The following TTLL7 variants were observed in gnomAD, a reference collection of about 807,000 sequenced individuals.
TTLL7 encodes the protein tubulin polyglutamylase TTLL7.
A neutral mutation model predicts 120.2 loss-of-function variants in TTLL7; 53 were observed. The ratio of observed to expected loss-of-function variants is 0.44; its 90% CI spans 0.35 to 0.55. The LOEUF is 0.55. Ranked by LOEUF, TTLL7 falls within the 20% of genes least tolerant of loss-of-function variation. TTLL7 has a pLI of 0.00. For missense variants in TTLL7, 803 were observed against 1,054.7 expected (o/e 0.76, Z 3.31); for synonymous variants, 353 against 351.7 (o/e 1.00, Z -0.04).
At chr1:83,923,650 C>T (rs1356550440) in intron 10 of TTLL7, among the ~76,000 whole-genome samples, 2 of 152,040 alleles carry the variant, frequency 1.3e-5, no homozygotes, top group African/African-American at 4.8e-5. Context: ...AAGGAACGTT[C>T]CCACTTTCTG....
At chr1:83,903,640 T>C (rs2100756215) in intron 18 of TTLL7, among the ~76,000 whole-genome samples, 1 of 152,204 alleles carries the variant, frequency 6.6e-6, no homozygotes, top group South Asian at 2.1e-4. Context: ...ACAATGTAAA[T>C]TTTATGTAAA....
intron 1 of TTLL7, among the ~76,000 whole-genome samples, chr1:83,964,493 TTTAA>T (rs1395104012): frequency 1.3e-5 from 2 of 152,160 alleles, no homozygotes; most frequent in African/African-American, 4.8e-5. Context: ...CTGTTTAAAC[TTTAA>T]TTATTGTTTC....
chr1:83,872,729 T>A (rs1289677445), intron 20 of TTLL7, among the ~76,000 whole-genome samples: 2 of 152,234 alleles, frequency 1.3e-5, no homozygotes, highest in Admixed American at 1.3e-4. Flanking sequence ...CACAAATAAC[T>A]TACACTATTT....
chr1:83,882,966 G>C lies in TTLL7; in HGVS notation c.2540C>G (p.Ser847Cys). 1 of 1,610,190 alleles carries C rather than the reference G, an allele frequency of 6.2e-7. No individual in the cohort carries two copies. The change falls in exon 20 of 21, where the codon TCC (serine) becomes TGC (cysteine). Residue 847 changes from serine to cysteine, a missense_variant. By Grantham distance (112) the Ser-to-Cys change is moderately radical. Transcript: ENST00000260505. Reference sequence around the variant, plus strand: ...GTTAGAGAATGTGAACAAGTACCTGGAATTACCCCAGTCAGGACCAATGCC... The same window carrying C: ...GTTAGAGAATGTGAACAAGTACCTGCAATTACCCCAGTCAGGACCAATGCC... ...LSGIGPDWGN[S>C]RYLLPGSTQF...
intron 19 of TTLL7, among the ~76,000 whole-genome samples, chr1:83,885,962 A>G (rs1654939605): frequency 1.3e-5 from 2 of 152,220 alleles, no homozygotes; most frequent in South Asian, 2.1e-4. Context: ...TGAATTCAAA[A>G]GGAAAAATTA....
intron 14 of TTLL7, among the ~76,000 whole-genome samples, chr1:83,916,104 C>CT (rs1447515001): frequency 6.6e-6 from 1 of 152,122 alleles, no homozygotes; most frequent in Non-Finnish European, 1.5e-5. Flanking sequence ...GGATCTAGAA[C>CT]TAGAAATACC....
chr1:83,924,740 A>C lies in TTLL7; in HGVS notation c.1143-3346T>G, dbSNP rs189290008. On this transcript the variant is annotated intron_variant, in intron 10 of 20. Coordinates refer to ENST00000260505, the MANE Select transcript of TTLL7 (RefSeq NM_024686.6). ...GTAAATATTATGTTAAGGGTATTTT[A>C]CCACAATTTAAAAAAGTCAGTTGGC... Among the ~76,000 whole-genome samples, 494 of 152,312 alleles carry C rather than the reference A, an allele frequency of 3.2e-3. 1 individual carries two copies. The highest frequency in any genetic ancestry group is 0.011 in the African/African-American group (476 of 41,562).
At chr1:83,922,889 T>C (rs1208880957) in intron 10 of TTLL7, among the ~76,000 whole-genome samples, 1 of 150,716 alleles carries the variant, frequency 6.6e-6, no homozygotes, top group Non-Finnish European at 1.5e-5. Flanking sequence ...GTATGAGGGC[T>C]TGGAACAGGG....
intron 1 of TTLL7, among the ~76,000 whole-genome samples, chr1:83,978,248 A>G (rs1459347712): frequency 1.3e-5 from 2 of 152,146 alleles, no homozygotes; most frequent in African/African-American, 2.4e-5. Context: ...AGGGAGATTG[A>G]GTTACAAATG....
intron 6 of TTLL7, among the ~76,000 whole-genome samples, chr1:83,943,180 T>C (rs569378550): frequency 1.3e-5 from 2 of 152,300 alleles, no homozygotes; most frequent in Admixed American, 1.3e-4. Context: ...TAAAGGCAAA[T>C]GTATTAGTCA....
intron 8 of TTLL7, among the ~76,000 whole-genome samples, chr1:83,935,548 A>G (rs1647306366): frequency 6.6e-6 from 1 of 151,528 alleles, no homozygotes; most frequent in Non-Finnish European, 1.5e-5. Flanking sequence ...TTTTTTTTTT[A>G]ATGATTATAC....
Position 83,911,848 on chromosome 1 carries a change from G to A in TTLL7, c.1588-485C>T, listed in dbSNP as rs192883636. 6.3e-4 allele frequency among the ~76,000 whole-genome samples: 96 copies of A among 151,994 alleles called. 1 individual carries two copies. Among genetic ancestry groups the A allele is most frequent in the African/African-American group, 2.1e-3 (89 of 41,474 alleles). On this transcript the variant is annotated intron_variant, in intron 14 of 20. Coordinates refer to ENST00000260505, the MANE Select transcript of TTLL7 (RefSeq NM_024686.6). ...ATGTGTGTGGTGTGTGTGTGTCTGTGTTTGTGTGTGTGAGGGGGTGGGAGG... is the reference window on the plus strand; with the variant it reads ...ATGTGTGTGGTGTGTGTGTGTCTGTATTTGTGTGTGTGAGGGGGTGGGAGG...
At chr1:83,943,613 A>T (rs1395941115) in intron 6 of TTLL7, among the ~76,000 whole-genome samples, 1 of 152,242 alleles carries the variant, frequency 6.6e-6, no homozygotes, top group Non-Finnish European at 1.5e-5. Flanking sequence ...GGCCATACAC[A>T]GCAAAGAACA....
chr1:83,958,298 G>T (rs990373381), intron 1 of TTLL7, among the ~76,000 whole-genome samples: 1 of 152,146 alleles, frequency 6.6e-6, no homozygotes, highest in Non-Finnish European at 1.5e-5. Context: ...TTGCAAATAT[G>T]TCTCAAGATA....
chr1:83,889,044 A>G (rs994874718), intron 19 of TTLL7, among the ~76,000 whole-genome samples: 4 of 152,106 alleles, frequency 2.6e-5, no homozygotes, highest in African/African-American at 9.7e-5. Context: ...CTGCTAAAAA[A>G]GACATACCCA....
intron 1 of TTLL7, chr1:83,984,227 C>T (rs1315822213): frequency 6.6e-6 from 1 of 152,224 alleles, no homozygotes; most frequent in East Asian, 1.9e-4. Flanking sequence ...GATACCATCT[C>T]GCATCAGTCA....
chr1:83,934,748 A>C (rs1647240886), intron 8 of TTLL7, among the ~76,000 whole-genome samples: 1 of 152,128 alleles, frequency 6.6e-6, no homozygotes, highest in Non-Finnish European at 1.5e-5. Context: ...CTGGCTCTAA[A>C]ATAGGCTTCT....
chr1:83,976,950 C>T (rs931272183), intron 1 of TTLL7, among the ~76,000 whole-genome samples: 1 of 151,950 alleles, frequency 6.6e-6, no homozygotes, highest in African/African-American at 2.4e-5. Context: ...CTCCATCAAA[C>T]CCTTTTTATT....
In TTLL7 at chr1:83,868,364, A is replaced by C. The variant is rs1330312039; in HGVS notation, c.*1598T>G. 2 of 152,244 alleles carry C rather than the reference A, an allele frequency of 1.3e-5. No homozygotes were observed. Among genetic ancestry groups the C allele is most frequent in the East Asian group, 1.9e-4 (1 of 5,200 alleles). 9.4% of individuals were successfully genotyped at this position (152,244 alleles called of 1,614,324 possible). ...TGGCTGCACTGATGATTTCAATGTC[A>C]AAGTAGTACGGCTTATATTTTTATG... is the stretch of plus-strand genomic sequence containing the variant. On this transcript the variant is annotated 3_prime_UTR_variant, in exon 21 of 21. Transcript: ENST00000260505.
Sources: allele counts gnomAD v4.1 joint callset (sites outside exome capture counted in the v4.1 genomes callset), GRCh38; gene constraint gnomAD v4.1.1; transcripts MANE v1.5; gene names NCBI Gene and HGNC (gene_info 2026-07-23, HGNC 2026-07-21).